Variants in PRKCH observed in about 807,000 individuals in gnomAD.
PRKCH encodes the protein protein kinase C eta.
In PRKCH, 28 loss-of-function variants were observed where a neutral mutation model predicts 82.5. That is an observed-to-expected ratio of 0.34 (90% CI 0.25 to 0.47). The LOEUF is 0.47. Ranked by LOEUF, PRKCH falls within the 20% of genes least tolerant of loss-of-function variation. PRKCH has a pLI of 1.00. For synonymous variants in PRKCH, 322 were observed against 327.4 expected (o/e 0.98, Z 0.18); for missense variants, 705 against 881.8 (o/e 0.80, Z 2.54).
chr14:61,382,146 C>T (rs2046520495), intron 1 of PRKCH, among the ~76,000 whole-genome samples: 1 of 152,158 alleles, frequency 6.6e-6, no homozygotes, highest in African/African-American at 2.4e-5. Context: ...GAAACACAGC[C>T]TCAGCCAGGC....
At chr14:61,427,556 G>C (rs866091385) in intron 2 of PRKCH, among the ~76,000 whole-genome samples, 1 of 152,056 alleles carries the variant, frequency 6.6e-6, no homozygotes, top group South Asian at 2.1e-4. Context: ...CATATTTTGG[G>C]ATAAAATATT....
At chr14:61,335,197 A>C (rs1262887959) in intron 1 of PRKCH, among the ~76,000 whole-genome samples, 2 of 152,068 alleles carry the variant, frequency 1.3e-5, no homozygotes, top group African/African-American at 2.4e-5. Flanking sequence ...GTGGTATGAA[A>C]GTTTCTTAGG....
At chr14:61,254,970 G>A (rs1188498657) in intron 1 of PRKCH, among the ~76,000 whole-genome samples, 2 of 152,158 alleles carry the variant, frequency 1.3e-5, no homozygotes, top group Non-Finnish European at 2.9e-5. Context: ...ATGCAGATCC[G>A]TGAATAACCA....
Position 61,280,073 on chromosome 14 carries a change from G to C in PRKCH, c.-19+92405G>C. The C allele has an allele frequency of 1.4e-5, 22 of 1,588,032 alleles. No individual in the cohort carries two copies. Among genetic ancestry groups the C allele is most frequent in the Non-Finnish European group, 1.9e-5 (22 of 1,167,064 alleles). ...AAGAGTTTTGGCAAGAAGCAGGAGG[G>C]ATCCCTGGAAAGCCGGAATCACTCC... On this transcript the variant is annotated intron_variant, in intron 1 of 3. Transcript: ENST00000555185. This position sits in a 1 kb window ranked among gnomAD's most constrained non-coding sequence, Gnocchi z 5.0.
chr14:61,427,151 C>T (rs1174825646), intron 2 of PRKCH, among the ~76,000 whole-genome samples: 3 of 151,866 alleles, frequency 2.0e-5, no homozygotes, highest in African/African-American at 7.3e-5. Flanking sequence ...CAACTTGAAG[C>T]AAGGGGTGGG....
chr14:61,429,335 C>A (rs747934252), intron 2 of PRKCH, among the ~76,000 whole-genome samples: 1 of 152,144 alleles, frequency 6.6e-6, no homozygotes, highest in African/African-American at 2.4e-5. Context: ...AAATAGAAAC[C>A]TATAGAACTG....
rs529880806 is a variant in PRKCH at position 61,286,164 on chromosome 14, A to T, written c.-19+98496A>T. On this transcript the variant is annotated intron_variant, in intron 1 of 3. Coordinates refer to the PRKCH transcript ENST00000555185. The stretch of plus-strand genomic sequence containing the variant: ...AATTGGCATTCCCTTATATAGGTTT[A>T]TACTGCTCAAGATTGTTGCCTATTA... 1.1e-4 allele frequency among the ~76,000 whole-genome samples: 16 copies of T among 152,346 alleles called. No homozygotes were observed. The South Asian group carries it at 2.3e-3, about 22-fold the overall frequency.
At chr14:61,429,490 A>G (rs899419385) in intron 2 of PRKCH, among the ~76,000 whole-genome samples, 2 of 152,220 alleles carry the variant, frequency 1.3e-5, no homozygotes, top group African/African-American at 4.8e-5. Flanking sequence ...ATCAGTCTGT[A>G]CAATAACTGA....
chr14:61,260,614 C>G (rs2045037344), intron 1 of PRKCH, among the ~76,000 whole-genome samples: 1 of 152,098 alleles, frequency 6.6e-6, no homozygotes, highest in Non-Finnish European at 1.5e-5. Flanking sequence ...TCACAGTTAA[C>G]TTTATTAATC....
At chr14:61,408,637 A>G (rs915344631) in intron 2 of PRKCH, among the ~76,000 whole-genome samples, 2 of 152,212 alleles carry the variant, frequency 1.3e-5, no homozygotes, top group African/African-American at 4.8e-5. Context: ...ACATGAGCTT[A>G]TGCACACAAG....
chr14:61,225,303 T>C (rs2140055295), intron 1 of PRKCH, among the ~76,000 whole-genome samples: 1 of 152,388 alleles, frequency 6.6e-6, no homozygotes, highest in South Asian at 2.1e-4. Flanking sequence ...CCTATTTCTA[T>C]GTTATCACGG....
At chr14:61,341,045 C>G (rs2045924980) in intron 1 of PRKCH, among the ~76,000 whole-genome samples, 1 of 152,146 alleles carries the variant, frequency 6.6e-6, no homozygotes, top group African/African-American at 2.4e-5. Context: ...TAGTTGTATT[C>G]CCTCAAATCC....
At chr14:61,501,208 T>C (rs1194449603) in intron 10 of PRKCH, among the ~76,000 whole-genome samples, 1 of 152,142 alleles carries the variant, frequency 6.6e-6, no homozygotes, top group Non-Finnish European at 1.5e-5. Context: ...TCCATATACA[T>C]TATCAGTTGT....
intron 1 of PRKCH, among the ~76,000 whole-genome samples, chr14:61,323,417 A>G (rs1420856985): frequency 1.3e-5 from 2 of 152,204 alleles, no homozygotes; most frequent in Non-Finnish European, 2.9e-5. Flanking sequence ...ATTATAATAA[A>G]GTAGTCTGGT....
At chr14:61,266,937 G>C (rs2045108291) in intron 1 of PRKCH, among the ~76,000 whole-genome samples, 1 of 152,090 alleles carries the variant, frequency 6.6e-6, no homozygotes, top group Admixed American at 6.6e-5. Context: ...TTCATTCCTT[G>C]GGTGGGATGG....
At chr14:61,403,748 G>A (rs1881790276) in intron 2 of PRKCH, among the ~76,000 whole-genome samples, 1 of 152,124 alleles carries the variant, frequency 6.6e-6, no homozygotes, top group East Asian at 1.9e-4. Context: ...ACATTTCTAT[G>A]GCACTCGCTT....
At chr14:61,426,339 A>G in intron 2 of PRKCH, among the ~76,000 whole-genome samples, 1 of 128,174 alleles carries the variant, frequency 7.8e-6, no homozygotes. Context: ...ACCTTCAATG[A>G]AAACAATTTT....
chr14:61,346,493 T>G (rs2140143335), intron 1 of PRKCH, among the ~76,000 whole-genome samples: 1 of 152,378 alleles, frequency 6.6e-6, no homozygotes, highest in Admixed American at 6.5e-5. Context: ...TTTTCCCTTT[T>G]GATTTTTTCA....
At chr14:61,193,531 A>T (rs1487899561) in intron 1 of PRKCH, among the ~76,000 whole-genome samples, 3 of 148,670 alleles carry the variant, frequency 2.0e-5, no homozygotes, top group African/African-American at 5.0e-5. Context: ...TTAGAATATT[A>T]AAAAAAAAAC....
Sources: gnomAD v4.1 joint callset for allele counts (sites outside exome capture counted in the v4.1 genomes callset) on GRCh38, gnomAD v4.1.1 for gene constraint, Gnocchi (gnomAD v3.1) non-coding constraint, MANE v1.5 for transcripts, NCBI Gene and HGNC (gene_info 2026-07-23, HGNC 2026-07-21) for gene names.